DCC: variants seen among roughly 807,000 people sequenced by gnomAD.
The protein encoded by DCC is DCC netrin 1 receptor, also known as netrin receptor DCC.
In DCC, 58 loss-of-function variants were observed where a neutral mutation model predicts 172.5. The ratio of observed to expected loss-of-function variants is 0.34; its 90% CI spans 0.27 to 0.42. The LOEUF (loss-of-function observed/expected upper bound fraction) is 0.42. Among genes scored for constraint, DCC ranks in the 10% least tolerant of loss-of-function variants. The pLI is 1.00. For missense variants in DCC, 1,740 were observed against 1,791.0 expected, an observed-to-expected ratio of 0.97 and a Z score of 0.51; for synonymous variants, 709 against 644.5, an observed-to-expected ratio of 1.10 and a Z score of -1.52.
In DCC at chr18:53,410,551, T is replaced by C. The variant is rs1444075344; in HGVS notation, c.3035T>C (p.Leu1012Pro). ...GDRLTHQIMDLNLDTMYYFRI... is the reference protein window; with the variant it reads ...GDRLTHQIMDPNLDTMYYFRI... ...AGGCTTACTCATCAAATCATGGATC[T>C]CAACCTTGATACTATGTATTACTTT... is the stretch of plus-strand genomic sequence containing the variant. Residue 1012 changes from leucine (L) to proline (P), a missense_variant, in exon 20 of 29, where the codon CTC becomes CCC. Physicochemically the swap from Leu to Pro is moderately conservative, Grantham distance 98. Coordinates refer to ENST00000442544, the MANE Select transcript of DCC (RefSeq NM_005215.4). 6.2e-7 allele frequency: 1 copy of C among 1,604,842 alleles called. No homozygotes were observed. Among genetic ancestry groups the C allele is most frequent in the East Asian group, 2.2e-5 (1 of 44,790 alleles).
At chr18:53,475,714 GA>G (rs2045754116) in intron 25 of DCC, among the ~76,000 whole-genome samples, 1 of 152,226 alleles carries the variant, frequency 6.6e-6, no homozygotes, top group African/African-American at 2.4e-5. Context: ...GGGCAGTGCA[GA>G]AGGGAGATAT....
At chr18:53,107,644 T>G (rs954815401) in intron 7 of DCC, among the ~76,000 whole-genome samples, 1 of 151,618 alleles carries the variant, frequency 6.6e-6, no homozygotes, top group Non-Finnish European at 1.5e-5. Flanking sequence ...TCCAGGGAGA[T>G]GACCTGATTA....
At chr18:53,106,115 C>T (rs891975737) in intron 7 of DCC, among the ~76,000 whole-genome samples, 1 of 151,792 alleles carries the variant, frequency 6.6e-6, no homozygotes, top group Non-Finnish European at 1.5e-5. Flanking sequence ...CTAATAAAAT[C>T]CCTGACACAT....
At chr18:53,391,601 G>A (rs921232401) in intron 16 of DCC, 54 bp from the exon 17 acceptor site, 23 of 1,159,380 alleles carry the variant, frequency 2.0e-5, no homozygotes, top group African/African-American at 3.0e-5. Context: ...ATTTTTTAAC[G>A]CTTTTATTTA....
intron 21 of DCC, among the ~76,000 whole-genome samples, chr18:53,432,658 A>G (rs990827872): frequency 5.9e-5 from 9 of 152,066 alleles, no homozygotes; most frequent in African/African-American, 1.9e-4. Flanking sequence ...ATAAACCCAT[A>G]TCCTTTCCTT....
intron 12 of DCC, among the ~76,000 whole-genome samples, chr18:53,304,097 T>C (rs1427585264): frequency 6.6e-6 from 1 of 152,126 alleles, no homozygotes; most frequent in East Asian, 1.9e-4. Context: ...CTTCTGTTCC[T>C]CTCCTCTTCT....
chr18:52,826,699 G>A (rs1040048812), intron 2 of DCC, among the ~76,000 whole-genome samples: 4 of 151,846 alleles, frequency 2.6e-5, no homozygotes, highest in South Asian at 2.1e-4. Flanking sequence ...GGCTACTCTC[G>A]AACTCCTGAC....
intron 12 of DCC, among the ~76,000 whole-genome samples, chr18:53,239,620 G>T (rs2056258666): frequency 6.6e-6 from 1 of 152,152 alleles, no homozygotes; most frequent in African/African-American, 2.4e-5. Flanking sequence ...TGAACACAAA[G>T]AAAAATATTT....
chr18:53,494,557 C>G (rs954244074), intron 26 of DCC, among the ~76,000 whole-genome samples: 4 of 152,216 alleles, frequency 2.6e-5, no homozygotes, highest in African/African-American at 9.6e-5. Flanking sequence ...TCCCTTTAAC[C>G]ATTATGTAAT....
At chr18:53,381,583 C>A (rs1907744694) in intron 15 of DCC, among the ~76,000 whole-genome samples, 1 of 133,848 alleles carries the variant, frequency 7.5e-6, no homozygotes, top group African/African-American at 2.8e-5. Context: ...CACCACCTTA[C>A]CACATCATAT....
intron 5 of DCC, among the ~76,000 whole-genome samples, chr18:52,929,159 T>A (rs1307403842): frequency 6.6e-6 from 1 of 152,068 alleles, no homozygotes; most frequent in African/African-American, 2.4e-5. Flanking sequence ...GTATTCAACA[T>A]CCACACCCCA....
chr18:53,215,963 T>C (rs557202179), intron 12 of DCC, among the ~76,000 whole-genome samples: 1 of 152,258 alleles, frequency 6.6e-6, no homozygotes, highest in East Asian at 1.9e-4. Context: ...TTGAAATAAT[T>C]AGGAGAAAGA....
intron 5 of DCC, among the ~76,000 whole-genome samples, chr18:53,046,867 G>T (rs917038757): frequency 4.0e-5 from 6 of 151,794 alleles, no homozygotes; most frequent in Non-Finnish European, 8.8e-5. Flanking sequence ...ACTCTAAAGA[G>T]TCCGTGACTC....
intron 1 of DCC, among the ~76,000 whole-genome samples, chr18:52,475,756 A>T (rs1236614368): frequency 6.6e-6 from 1 of 152,198 alleles, no homozygotes; most frequent in Admixed American, 6.5e-5. Context: ...AGAACAAGGG[A>T]TAGATTATTA....
intron 7 of DCC, among the ~76,000 whole-genome samples, chr18:53,136,533 G>A (rs2043745607): frequency 6.6e-6 from 1 of 152,038 alleles, no homozygotes. Flanking sequence ...ATTTGTATAA[G>A]TCTACTTATA....
intron 2 of DCC, among the ~76,000 whole-genome samples, chr18:52,811,108 A>T (rs2038189284): frequency 6.6e-6 from 1 of 152,240 alleles, no homozygotes; most frequent in South Asian, 2.1e-4. Flanking sequence ...ATTTCAAAAA[A>T]GATATGTTTG....
intron 5 of DCC, among the ~76,000 whole-genome samples, chr18:53,019,921 G>A (rs1255002083): frequency 6.6e-6 from 1 of 152,044 alleles, no homozygotes; most frequent in East Asian, 1.9e-4. Flanking sequence ...TTATAAACAT[G>A]GTTTTAAGGA....
chr18:52,449,934 C>T (rs1598828026), intron 1 of DCC, among the ~76,000 whole-genome samples: 1 of 152,162 alleles, frequency 6.6e-6, no homozygotes, highest in Non-Finnish European at 1.5e-5. Flanking sequence ...TCCATTAAAC[C>T]ACTTTTCTTT....
chr18:52,835,736 T>C (rs2038692827), intron 2 of DCC, among the ~76,000 whole-genome samples: 1 of 152,222 alleles, frequency 6.6e-6, no homozygotes, highest in Non-Finnish European at 1.5e-5. Flanking sequence ...TTAAATGAAT[T>C]CAAAACTGAT....
Sources: gnomAD v4.1 joint callset for allele counts (sites outside exome capture counted in the v4.1 genomes callset) on GRCh38, gnomAD v4.1.1 for gene constraint, MANE v1.5 for transcripts, NCBI Gene and HGNC (gene_info 2026-07-23, HGNC 2026-07-21) for gene names.